Variants in CBR3 observed in about 807,000 individuals in gnomAD.
The protein encoded by CBR3 is carbonyl reductase 3, also known as carbonyl reductase [NADPH] 3.
A neutral mutation model predicts 11.6 loss-of-function variants in CBR3; 14 were observed. The ratio of observed to expected loss-of-function variants is 1.20; its 90% CI spans 0.79 to 1.88. CBR3 has a LOEUF of 1.88. Ranked by LOEUF, CBR3 falls within the 40% of genes most tolerant of loss-of-function variation. The probability of loss-of-function intolerance (pLI) is 0.00; values close to 1 mark genes in which losing one functional copy is unlikely to be tolerated. For missense variants in CBR3, 308 were observed against 357.3 expected (o/e 0.86, Z 1.11); for synonymous variants, 125 against 145.6 (o/e 0.86, Z 1.02).
At chr21:36,136,444 C>A (rs1271168453) in intron 1 of CBR3, among the ~76,000 whole-genome samples, 2 of 152,182 alleles carry the variant, frequency 1.3e-5, no homozygotes, top group Admixed American at 1.3e-4. Context: ...TGGCCCTAGG[C>A]ACTCCGCATT....
Position 36,146,079 on chromosome 21 carries a change from G to C in CBR3, c.401G>C (p.Arg134Thr), listed in dbSNP as rs369768555. 6.2e-7 allele frequency: 1 copy of C among 1,605,420 alleles called. No homozygotes were observed. Among genetic ancestry groups the C allele is most frequent in the Non-Finnish European group, 8.5e-7 (1 of 1,172,706 alleles). The change falls in exon 3 of 3, where the codon AGA (arginine) becomes ACA (threonine). Residue 134 changes from arginine (R) to threonine (T), a missense_variant. Arg to Thr is a moderately conservative substitution (Grantham distance 71, BLOSUM62 -1). Transcript: ENST00000290354. ...ELLPIMKPHG[R>T]VVNISSLQCL... is the part of the protein sequence containing the mutation. ...TATATTTATCATTCTGTTTCAGGGA[G>C]AGTGGTGAATATCAGTAGTTTGCAG...
chr21:36,142,436 A>AC (rs1555883296), intron 2 of CBR3, among the ~76,000 whole-genome samples: 1 of 119,628 alleles, frequency 8.4e-6, no homozygotes, highest in Admixed American at 1.0e-4. Context: ...CATCTCAAAA[A>AC]AAAAAAAAAA....
Position 36,135,439 on chromosome 21 carries a change from G to A in CBR3, c.247G>A (p.Gly83Arg), listed in dbSNP as rs377655909. ...CGACTTCCTGCGCAAGGAGTACGGG[G>A]GGCTCAACGTACTGGTCAACAACGC... ...LRDFLRKEYG[G>R]LNVLVNNAAV... is the part of the protein sequence containing the mutation. Residue 83 changes from glycine (G) to arginine (R), a missense_variant, in exon 1 of 3, where the codon GGG (glycine) becomes AGG (arginine). By Grantham distance (125) the Gly-to-Arg change is moderately radical. Transcript: ENST00000290354. The A allele has an allele frequency of 6.2e-6, 10 of 1,613,542 alleles. No individual in the cohort carries two copies. In the East Asian group the frequency reaches 2.0e-4, roughly 32 times the overall value.
chr21:36,141,971 C>T (rs1332230599), intron 2 of CBR3: 22 of 963,484 alleles, frequency 2.3e-5, no homozygotes, highest in Non-Finnish European at 2.7e-5. Flanking sequence ...ATGAAGAACA[C>T]AACATCACTG....
intron 2 of CBR3, among the ~76,000 whole-genome samples, 170 bp downstream of exon 2, chr21:36,138,102 A>AG (rs2065676707): frequency 7.4e-6 from 1 of 135,686 alleles, no homozygotes; most frequent in Non-Finnish European, 1.6e-5. Flanking sequence ...TCACTCCAAC[A>AG]TTTTAGTTTA....
chr21:36,140,282 G>A (rs2065698766), intron 2 of CBR3, among the ~76,000 whole-genome samples: 1 of 152,006 alleles, frequency 6.6e-6, no homozygotes, highest in Non-Finnish European at 1.5e-5. Context: ...AAGCCTGCAG[G>A]GAGAACTGCA....
At position 36,136,382 on chromosome 21, in the gene CBR3, T is replaced by C. The variant is rs142414918; in HGVS notation, c.289+901T>C. Among the ~76,000 whole-genome samples the C allele has an allele frequency of 3.7e-3, 554 of 151,506 alleles. 3 individuals are homozygous for C. Among genetic ancestry groups the C allele is most frequent in the Non-Finnish European group, 6.2e-3 (418 of 67,922 alleles). On this transcript the variant is annotated intron_variant, in intron 1 of 2. Transcript: ENST00000290354. ...TCCAACCTAGTGGGGAAAAAAAGCC[T>C]AAGAGGGAGTGAAATGAAGGATGGG...
At chr21:36,137,404 AGGT>A (rs2065667738) in intron 1 of CBR3, 1 of 159,900 alleles carries the variant, frequency 6.3e-6, no homozygotes, top group Non-Finnish European at 1.4e-5. Context: ...TGAACCCAGG[AGGT>A]GGAGGTTGCA....
chr21:36,143,354 T>G (rs943180274), intron 2 of CBR3, among the ~76,000 whole-genome samples: 1 of 151,578 alleles, frequency 6.6e-6, no homozygotes, highest in African/African-American at 2.4e-5. Flanking sequence ...TTCAGAATAA[T>G]ACATAATAAA....
chr21:36,136,393 G>A (rs941034465), intron 1 of CBR3, among the ~76,000 whole-genome samples: 3 of 152,080 alleles, frequency 2.0e-5, no homozygotes, highest in African/African-American at 4.8e-5. Flanking sequence ...AAGAGGGAGT[G>A]AAATGAAGGA....
Position 36,135,347 on chromosome 21 carries a change from C to G in CBR3, c.155C>G (p.Ala52Gly), listed in dbSNP as rs761325372. Residue 52 changes from alanine (A) to glycine (G), a missense_variant, in exon 1 of 3, where the codon GCG (alanine) becomes GGG (glycine). By Grantham distance (60) the Ala-to-Gly change is moderately conservative. Transcript: ENST00000290354. ...RGQAAVQQLQ[A>G]EGLSPRFHQL... The stretch of plus-strand genomic sequence containing the variant: ...CAGGCGGCCGTGCAGCAGCTGCAGG[C>G]GGAGGGCCTGAGCCCGCGCTTCCAC... 1.2e-6 allele frequency: 2 copies of G among 1,612,506 alleles called. No homozygotes were observed. Among genetic ancestry groups the G allele is most frequent in the African/African-American group, 1.3e-5 (1 of 75,042 alleles).
chr21:36,141,177 G>A (rs541142355), intron 2 of CBR3, among the ~76,000 whole-genome samples: 19 of 151,288 alleles, frequency 1.3e-4, no homozygotes, highest in African/African-American at 2.7e-4. Context: ...TGGGAGGATC[G>A]CTTGGGCCCA....
chr21:36,140,136 G>A (rs1045197791), intron 2 of CBR3, among the ~76,000 whole-genome samples: 4 of 151,908 alleles, frequency 2.6e-5, no homozygotes, highest in Admixed American at 6.6e-5. Context: ...TGATCCACCC[G>A]CCTTGGCCTC....
intron 2 of CBR3, chr21:36,138,657 T>A (rs2065681740): frequency 6.6e-6 from 1 of 152,180 alleles, no homozygotes; most frequent in African/African-American, 2.4e-5. Flanking sequence ...ATTACAACTT[T>A]TCCTATATTC....
At chr21:36,136,644 A>G (rs1486757352) in intron 1 of CBR3, among the ~76,000 whole-genome samples, 7 of 152,090 alleles carry the variant, frequency 4.6e-5, no homozygotes, top group Non-Finnish European at 1.0e-4. Flanking sequence ...TTGCCTTTCA[A>G]GGTATGGGGA....
At chr21:36,143,354 T>C (rs943180274) in intron 2 of CBR3, among the ~76,000 whole-genome samples, 1 of 151,578 alleles carries the variant, frequency 6.6e-6, no homozygotes, top group Non-Finnish European at 1.5e-5. Flanking sequence ...TTCAGAATAA[T>C]ACATAATAAA....
chr21:36,142,436 A>AACAAAAAAAAAAAC lies in CBR3; in HGVS notation c.398-3639_398-3638insCAAAAAAAAAAACA, dbSNP rs1555883298. Among the ~76,000 whole-genome samples, 477 of 119,690 alleles carry AACAAAAAAAAAAAC rather than the reference A, an allele frequency of 4.0e-3. 39 individuals carry two copies. Among genetic ancestry groups the AACAAAAAAAAAAAC allele is most frequent in the African/African-American group, 0.013 (447 of 34,608 alleles). The allele number at this position is 119,690 out of a possible 152,430, so 78.5% of individuals were successfully genotyped here. A position where few individuals can be genotyped will look rare whatever the true frequency, so the allele number is the denominator to read the frequency against. Reference sequence around the variant, plus strand: ...GACAGAGCGAGACTCCATCTCAAAAAAAAAAAAAAAAACGCAATCCATGAT... The same window carrying AACAAAAAAAAAAAC: ...GACAGAGCGAGACTCCATCTCAAAAAACAAAAAAAAAAACAAAAAAAAAAAACGCAATCCATGAT... On this transcript the variant is annotated intron_variant, in intron 2 of 2. Coordinates refer to ENST00000290354, the MANE Select transcript of CBR3 (RefSeq NM_001236.4).
At chr21:36,136,017 C>T (rs946686415) in intron 1 of CBR3, among the ~76,000 whole-genome samples, 4 of 152,060 alleles carry the variant, frequency 2.6e-5, no homozygotes, top group Non-Finnish European at 5.9e-5. Flanking sequence ...TAGGCTCTGG[C>T]AAAAAGGAAG....
chr21:36,142,607 T>C, intron 2 of CBR3, among the ~76,000 whole-genome samples: 1 of 152,084 alleles, frequency 6.6e-6, no homozygotes, highest in East Asian at 1.9e-4. Context: ...ACTGTAGTAA[T>C]GTAGGGGAAT....
Sources: allele counts gnomAD v4.1 joint callset (sites outside exome capture counted in the v4.1 genomes callset), GRCh38; gene constraint gnomAD v4.1.1; transcripts MANE v1.5; gene names NCBI Gene and HGNC (gene_info 2026-07-23, HGNC 2026-07-21).